KCNQ5: variants seen among roughly 807,000 people sequenced by gnomAD.
The protein encoded by KCNQ5 is potassium voltage-gated channel subfamily KQT member 5.
In KCNQ5, 30 loss-of-function variants were observed where a neutral mutation model predicts 98.2. That is an observed-to-expected ratio of 0.31 (90% CI 0.23 to 0.41). KCNQ5 has a LOEUF of 0.41. KCNQ5 is among the 10% of genes least tolerant of loss of function. The pLI is 1.00. For synonymous variants in KCNQ5, 458 were observed against 449.4 expected (o/e 1.02, Z -0.24); for missense variants, 835 against 1,182.5 (o/e 0.71, Z 4.31).
intron 1 of KCNQ5, among the ~76,000 whole-genome samples, chr6:72,783,809 G>A (rs559815101): frequency 6.6e-6 from 1 of 152,258 alleles, no homozygotes; most frequent in Admixed American, 6.5e-5. Context: ...GCTGTAGTCT[G>A]GGCATCTTTT....
chr6:72,918,029 A>G (rs962178566), intron 1 of KCNQ5, among the ~76,000 whole-genome samples: 2 of 152,160 alleles, frequency 1.3e-5, no homozygotes, highest in Non-Finnish European at 2.9e-5. Flanking sequence ...TGTAACAACC[A>G]AAAATGTCTC....
At chr6:72,680,404 C>T (rs911308403) in intron 1 of KCNQ5, among the ~76,000 whole-genome samples, 6 of 152,202 alleles carry the variant, frequency 3.9e-5, no homozygotes, top group Admixed American at 1.3e-4. Flanking sequence ...TGTGGATATA[C>T]CACAGTTTGT....
At chr6:72,942,128 C>A (rs1378958631) in intron 1 of KCNQ5, among the ~76,000 whole-genome samples, 7 of 152,130 alleles carry the variant, frequency 4.6e-5, no homozygotes, top group Non-Finnish European at 1.0e-4. Flanking sequence ...AACAGAGGTG[C>A]TAAGGCTCTC....
intron 1 of KCNQ5, among the ~76,000 whole-genome samples, chr6:72,815,968 A>C (rs796694915): frequency 9.9e-5 from 15 of 152,168 alleles, no homozygotes; most frequent in African/African-American, 3.6e-4. Context: ...ATGTACAGAA[A>C]ATAATTGAAG....
At chr6:72,784,746 G>T (rs1306101997) in intron 1 of KCNQ5, among the ~76,000 whole-genome samples, 1 of 151,762 alleles carries the variant, frequency 6.6e-6, no homozygotes, top group Non-Finnish European at 1.5e-5. Context: ...TATGGGAAAA[G>T]ATCTTCTTCG....
intron 1 of KCNQ5, among the ~76,000 whole-genome samples, chr6:72,922,815 T>TCTTTTC (rs1554186017): frequency 7.6e-6 from 1 of 132,416 alleles, no homozygotes; most frequent in Non-Finnish European, 1.6e-5. Flanking sequence ...TTTTTCTTTT[T>TCTTTTC]TTTTTTTTTT....
intron 1 of KCNQ5, among the ~76,000 whole-genome samples, chr6:72,943,112 A>G (rs140077043): frequency 1.5e-4 from 23 of 152,346 alleles, no homozygotes; most frequent in Admixed American, 1.4e-3. Context: ...CTGCACTGTT[A>G]GTAATACATG....
chr6:73,058,179 G>A (rs757749264), intron 3 of KCNQ5, among the ~76,000 whole-genome samples: 9 of 152,136 alleles, frequency 5.9e-5, no homozygotes, highest in African/African-American at 1.2e-4. Context: ...TTGGGAGGCC[G>A]AGGCAGGCGG....
chr6:72,913,062 GT>G (rs1222073286), intron 1 of KCNQ5, among the ~76,000 whole-genome samples: 1 of 151,900 alleles, frequency 6.6e-6, no homozygotes, highest in Admixed American at 6.6e-5. Flanking sequence ...TAAAATGAAA[GT>G]TTTTTTAATG....
chr6:72,890,680 T>C (rs571820568), intron 1 of KCNQ5, among the ~76,000 whole-genome samples: 2 of 152,314 alleles, frequency 1.3e-5, no homozygotes, highest in South Asian at 4.1e-4. Context: ...GAAATAGATT[T>C]GTATTTCATA....
chr6:73,016,217 G>T (rs527307850), intron 2 of KCNQ5, among the ~76,000 whole-genome samples: 1 of 152,220 alleles, frequency 6.6e-6, no homozygotes, highest in Admixed American at 6.6e-5. Flanking sequence ...GACTTGAATG[G>T]AATGAGGCGA....
At chr6:72,875,871 G>A (rs919717799) in intron 1 of KCNQ5, among the ~76,000 whole-genome samples, 3 of 151,810 alleles carry the variant, frequency 2.0e-5, no homozygotes, top group African/African-American at 4.8e-5. Flanking sequence ...AATATTTCAG[G>A]TAAAATTTCA....
chr6:72,831,609 T>A (rs904984116), intron 1 of KCNQ5, among the ~76,000 whole-genome samples: 1 of 150,674 alleles, frequency 6.6e-6, no homozygotes, highest in African/African-American at 2.4e-5. Context: ...GGGAAAGCAG[T>A]AGGAGATATA....
chr6:72,636,196 C>T (rs779313049), intron 1 of KCNQ5, among the ~76,000 whole-genome samples: 1 of 151,962 alleles, frequency 6.6e-6, no homozygotes, highest in Non-Finnish European at 1.5e-5. Context: ...TATAAAAATG[C>T]ACAATAAAGA....
chr6:73,054,021 T>G, intron 3 of KCNQ5, among the ~76,000 whole-genome samples: 1 of 151,942 alleles, frequency 6.6e-6, no homozygotes. Flanking sequence ...TGTTACCACC[T>G]ACCCCACAAA....
intron 3 of KCNQ5, among the ~76,000 whole-genome samples, chr6:73,065,785 T>C (rs868565528): frequency 1.3e-5 from 2 of 152,218 alleles, no homozygotes; most frequent in Non-Finnish European, 2.9e-5. Context: ...TTAGATATGA[T>C]CACGGTCACC....
chr6:72,821,854 A>G (rs1008333809), intron 1 of KCNQ5, among the ~76,000 whole-genome samples: 2 of 151,912 alleles, frequency 1.3e-5, no homozygotes, highest in African/African-American at 4.8e-5. Flanking sequence ...AGAGAACTCT[A>G]TGTAGTGATT....
intron 1 of KCNQ5, among the ~76,000 whole-genome samples, chr6:72,994,368 C>T (rs1216829456): frequency 2.7e-4 from 16 of 59,640 alleles, no homozygotes; most frequent in Non-Finnish European, 1.0e-4. Flanking sequence ...CGTGGTGCGC[C>T]GTTTCTTAAG....
chr6:72,755,968 C>T (rs890378407), intron 1 of KCNQ5, among the ~76,000 whole-genome samples: 3 of 152,282 alleles, frequency 2.0e-5, no homozygotes, highest in Admixed American at 6.5e-5. Context: ...ACCTCTCTCT[C>T]GTTTCCTGCT....
Sources: allele counts gnomAD v4.1 joint callset (sites outside exome capture counted in the v4.1 genomes callset), GRCh38; gene constraint gnomAD v4.1.1; transcripts MANE v1.5; gene names NCBI Gene and HGNC (gene_info 2026-07-23, HGNC 2026-07-21).